SAFB: variants seen among roughly 807,000 people sequenced by gnomAD.
SAFB encodes scaffold attachment factor B, also known as scaffold attachment factor B1.
In SAFB, 15 loss-of-function variants were observed where a neutral mutation model predicts 101.6. The observed-to-expected ratio is 0.15, with a 90% confidence interval of 0.10 to 0.23. SAFB has a LOEUF of 0.23. SAFB is among the 10% of genes least tolerant of loss of function. The probability of loss-of-function intolerance (pLI) is 1.00; values close to 1 mark genes in which losing one functional copy is unlikely to be tolerated. For synonymous variants in SAFB, 449 were observed against 407.5 expected, an observed-to-expected ratio of 1.10 and a Z score of -1.23; for missense variants, 930 against 1,104.1, an observed-to-expected ratio of 0.84 and a Z score of 2.23.
intron 14 of SAFB, 103 bp from the exon 15 acceptor site, chr19:5,661,415 G>T: frequency 6.5e-7 from 1 of 1,536,010 alleles, no homozygotes; most frequent in South Asian, 1.3e-5. Context: ...CGTAGTGGAC[G>T]CACAGCCCTG....
At position 5,667,580 on chromosome 19, in the gene SAFB, A is replaced by G. The variant is rs2054361654; in HGVS notation, c.2557+130A>G. ...AGTGCTGGAATGAGGAATGAAGAGC[A>G]CTCCAGACACCGCCTGCTCTCTGGT... On this transcript the variant is annotated intron_variant, in intron 19 of 20. Coordinates refer to ENST00000588852, the MANE Select transcript of SAFB (RefSeq NM_001201338.2). The surrounding 1 kb of genome is among the most constrained non-coding windows in gnomAD (Gnocchi z 4.0). 2 of 732,774 alleles carry G rather than the reference A, an allele frequency of 2.7e-6. No individual in the cohort carries two copies. Among genetic ancestry groups the G allele is most frequent in the East Asian group, 2.7e-5 (1 of 36,476 alleles). The allele number at this position is 732,774 out of a possible 1,614,324, so 45.4% of individuals were successfully genotyped here.
At chr19:5,637,343 C>CA (rs553264134) in intron 2 of SAFB, among the ~76,000 whole-genome samples, 5,493 of 67,058 alleles carry the variant, frequency 0.082, 203 homozygotes, top group African/African-American at 0.16. Flanking sequence ...GACTCCATCT[C>CA]AAAAAAAAAA....
intron 2 of SAFB, among the ~76,000 whole-genome samples, chr19:5,635,934 G>T (rs146872992): frequency 2.6e-4 from 40 of 152,060 alleles, no homozygotes; most frequent in African/African-American, 7.5e-4. Context: ...TTCATTTTTG[G>T]TTTTTTTAGA....
At chr19:5,627,681 C>T (rs2053397378) in intron 2 of SAFB, among the ~76,000 whole-genome samples, 2 of 152,122 alleles carry the variant, frequency 1.3e-5, no homozygotes, top group Admixed American at 1.3e-4. Context: ...GATTTACTCT[C>T]CTGGTTCTCT....
rs200051476 is a variant in SAFB, at chr19:5,654,056, T to C, written c.1527-5T>C. 22 of 1,613,800 alleles carry C rather than the reference T, an allele frequency of 1.4e-5. No homozygotes were observed. Among genetic ancestry groups the C allele is most frequent in the Non-Finnish European group, 1.8e-5 (21 of 1,179,942 alleles). On this transcript the variant is annotated splice_polypyrimidine_tract_variant and splice_region_variant and intron_variant, in intron 11 of 20. Transcript: ENST00000588852. ...ACGCCCAGCCAACATGTCTGTTTTT[T>C]ATAGATCTACAAACCTTAAGAGGGA...
intron 2 of SAFB, among the ~76,000 whole-genome samples, chr19:5,628,152 G>A (rs1282595686): frequency 1.3e-5 from 2 of 152,076 alleles, no homozygotes; most frequent in Non-Finnish European, 2.9e-5. Flanking sequence ...TCAGGAGGCT[G>A]AGGCAGGAGA....
intron 9 of SAFB, among the ~76,000 whole-genome samples, chr19:5,652,496 A>G (rs1161804925): frequency 6.6e-6 from 1 of 152,162 alleles, no homozygotes; most frequent in Non-Finnish European, 1.5e-5. Context: ...GAGCATGATT[A>G]CCAGCCTCGG....
chr19:5,658,872 C>G (rs984823511), intron 14 of SAFB, among the ~76,000 whole-genome samples: 4 of 148,598 alleles, frequency 2.7e-5, no homozygotes, highest in African/African-American at 1.0e-4. Context: ...GGGGGCCGGG[C>G]GCGGTGGCTC....
At chr19:5,643,955 A>G (rs1245480117) in intron 4 of SAFB, among the ~76,000 whole-genome samples, 1 of 152,188 alleles carries the variant, frequency 6.6e-6, no homozygotes, top group Non-Finnish European at 1.5e-5. Context: ...CTCACTTGCA[A>G]GAGGTTTTCG....
At chr19:5,642,956 C>T (rs888381472) in intron 4 of SAFB, among the ~76,000 whole-genome samples, 8 of 151,940 alleles carry the variant, frequency 5.3e-5, no homozygotes, top group African/African-American at 9.7e-5. Flanking sequence ...TGTGAGCCAC[C>T]GCGCCCAGCA....
intron 2 of SAFB, among the ~76,000 whole-genome samples, chr19:5,638,467 C>T (rs2053638077): frequency 6.6e-6 from 1 of 151,968 alleles, no homozygotes; most frequent in African/African-American, 2.4e-5. Flanking sequence ...GGATTACAGG[C>T]ACCTGCCACC....
intron 5 of SAFB, among the ~76,000 whole-genome samples, chr19:5,646,997 C>G (rs1449117850): frequency 6.6e-6 from 1 of 152,172 alleles, no homozygotes; most frequent in Admixed American, 6.5e-5. Flanking sequence ...CCATTAGGAC[C>G]AACCTCCTGC....
chr19:5,654,298 T>C (rs2054006024), intron 12 of SAFB, 70 bp from the exon 13 acceptor site: 1 of 1,583,370 alleles, frequency 6.3e-7, no homozygotes, highest in East Asian at 2.2e-5. Context: ...ACTGGATTCA[T>C]GTTGCAGAGG....
chr19:5,668,191 C>T lies in SAFB; in HGVS notation c.2654C>T (p.Ser885Phe). The T allele has an allele frequency of 6.2e-7, 1 of 1,606,260 alleles. No homozygotes were observed. The highest frequency in any genetic ancestry group is 8.5e-7 in the Non-Finnish European group (1 of 1,177,776). The change falls in exon 21 of 21, where the codon TCC (serine) becomes TTC (phenylalanine). Residue 885 changes from serine (S) to phenylalanine (F), a missense_variant. Physicochemically the swap from Ser to Phe is radical, Grantham distance 155. Transcript: ENST00000588852. ...GRGSFAPGGA[S>F]RGHPIPHGGM... is the part of the protein sequence containing the mutation. ...GGCAGCTTTGCCCCAGGCGGGGCCT[C>T]CCGGGGCCACCCCATCCCACACGGT...
chr19:5,647,986 GCA>G, intron 5 of SAFB, 28 bp from the exon 6 acceptor site: 1 of 1,598,656 alleles, frequency 6.3e-7, no homozygotes, highest in Non-Finnish European at 8.6e-7. Context: ...CATTCATCTG[GCA>G]CAGTCTTATT....
In SAFB at chr19:5,649,845, A is replaced by G. The variant is rs553155040; in HGVS notation, c.1149-81A>G. On this transcript the variant is annotated intron_variant, in intron 7 of 20. Transcript: ENST00000588852. ...GAACTAAATTTCGGGTAGGTATGCA[A>G]CCTCAGCACGAATTTTATGGTTTTG... The G allele has an allele frequency of 1.1e-5, 14 of 1,301,256 alleles. No homozygotes were observed. The African/African-American group carries it at 1.2e-4, about 11-fold the overall frequency. 80.6% of individuals were successfully genotyped at this position (1,301,256 alleles called of 1,614,324 possible). A position where few individuals can be genotyped will look rare whatever the true frequency, so the allele number is the denominator to read the frequency against.
intron 16 of SAFB, 55 bp downstream of exon 16, chr19:5,664,214 C>A: frequency 6.3e-7 from 1 of 1,588,382 alleles, no homozygotes; most frequent in Non-Finnish European, 8.6e-7. Flanking sequence ...CTCATTCTGA[C>A]TGAGAACAAG....
chr19:5,658,765 C>T (rs1302051299), intron 14 of SAFB, among the ~76,000 whole-genome samples: 1 of 150,964 alleles, frequency 6.6e-6, no homozygotes, highest in Admixed American at 6.6e-5. Flanking sequence ...ATGGCGTGAA[C>T]CCGGGAGGCA....
chr19:5,660,294 A>G (rs1044143255), intron 14 of SAFB, among the ~76,000 whole-genome samples: 2 of 138,750 alleles, frequency 1.4e-5, no homozygotes, highest in African/African-American at 5.3e-5. Flanking sequence ...AGTAGTTGGT[A>G]TACTGCACTG....
Sources: gnomAD v4.1 joint callset for allele counts (sites outside exome capture counted in the v4.1 genomes callset) on GRCh38, gnomAD v4.1.1 for gene constraint, Gnocchi (gnomAD v3.1) non-coding constraint, MANE v1.5 for transcripts, NCBI Gene and HGNC (gene_info 2026-07-23, HGNC 2026-07-21) for gene names.